PPP1R9A: variants seen among roughly 807,000 people sequenced by gnomAD.
PPP1R9A encodes protein phosphatase 1 regulatory subunit 9A.
A neutral mutation model predicts 141.9 loss-of-function variants in PPP1R9A; 59 were observed. That is an observed-to-expected ratio of 0.42 (90% confidence interval 0.34 to 0.52). The LOEUF (loss-of-function observed/expected upper bound fraction) is 0.52. Among genes scored for constraint, PPP1R9A ranks in the 20% least tolerant of loss-of-function variants. The pLI is 0.10. For synonymous variants in PPP1R9A, 500 were observed against 569.7 expected (o/e 0.88, Z 1.74); for missense variants, 1,444 against 1,611.9 (o/e 0.90, Z 1.78).
At chr7:94,954,216 C>T (rs1584375213) in intron 2 of PPP1R9A, among the ~76,000 whole-genome samples, 2 of 151,892 alleles carry the variant, frequency 1.3e-5, no homozygotes, top group African/African-American at 2.4e-5. Flanking sequence ...AGCTGCATCT[C>T]GCAAGTTTTT....
chr7:95,193,376 G>C (rs1835794038), intron 5 of PPP1R9A, among the ~76,000 whole-genome samples: 1 of 152,006 alleles, frequency 6.6e-6, no homozygotes, highest in Admixed American at 6.6e-5. Flanking sequence ...TCATAAGACT[G>C]TAGAGTGATT....
chr7:95,090,181 A>C (rs939757949), intron 2 of PPP1R9A, among the ~76,000 whole-genome samples: 5 of 151,872 alleles, frequency 3.3e-5, no homozygotes, highest in African/African-American at 1.2e-4. Context: ...TGAGGGGTGA[A>C]TGACAGCTTA....
chr7:95,014,004 C>G (rs1804767890), intron 2 of PPP1R9A, among the ~76,000 whole-genome samples: 1 of 151,942 alleles, frequency 6.6e-6, no homozygotes. Context: ...TCTTTTTGAA[C>G]TATTTGAGAT....
chr7:95,279,936 A>G (rs755692986), intron 16 of PPP1R9A, among the ~76,000 whole-genome samples: 3 of 152,176 alleles, frequency 2.0e-5, no homozygotes, highest in Non-Finnish European at 4.4e-5. Flanking sequence ...CAGTATGGGG[A>G]AGACTCATTA....
chr7:95,067,380 A>G (rs1813093606), intron 2 of PPP1R9A, among the ~76,000 whole-genome samples: 2 of 152,218 alleles, frequency 1.3e-5, no homozygotes, highest in African/African-American at 4.8e-5. Flanking sequence ...TGTCTAAGGA[A>G]AACAAACAAG....
At chr7:95,153,951 T>C (rs1240485090) in intron 4 of PPP1R9A, among the ~76,000 whole-genome samples, 1 of 152,208 alleles carries the variant, frequency 6.6e-6, no homozygotes, top group Non-Finnish European at 1.5e-5. Flanking sequence ...TAGTCTTTGA[T>C]GAACTTTTGT....
At chr7:95,131,742 T>A (rs1387551840) in intron 4 of PPP1R9A, among the ~76,000 whole-genome samples, 1 of 152,124 alleles carries the variant, frequency 6.6e-6, no homozygotes. Context: ...ATTGGTAGTT[T>A]GATAGGACTA....
At chr7:95,013,219 T>C (rs1011084557) in intron 2 of PPP1R9A, among the ~76,000 whole-genome samples, 2 of 152,118 alleles carry the variant, frequency 1.3e-5, no homozygotes, top group East Asian at 1.9e-4. Flanking sequence ...ATTTGAAGGA[T>C]AGGGGTTTAC....
At chr7:95,262,799 A>G (rs1012315627) in intron 12 of PPP1R9A, among the ~76,000 whole-genome samples, 13 of 152,232 alleles carry the variant, frequency 8.5e-5, no homozygotes, top group African/African-American at 2.4e-4. Context: ...TATTCTTTCA[A>G]TGATTAGCAA....
intron 2 of PPP1R9A, among the ~76,000 whole-genome samples, chr7:95,061,734 C>T (rs1051871337): frequency 2.0e-5 from 3 of 151,776 alleles, no homozygotes; most frequent in African/African-American, 7.3e-5. Context: ...GACCCTGTGT[C>T]GAATGAATGA....
chr7:95,127,675 C>T (rs537626370), intron 4 of PPP1R9A, among the ~76,000 whole-genome samples: 1 of 152,048 alleles, frequency 6.6e-6, no homozygotes, highest in African/African-American at 2.4e-5. Flanking sequence ...CTCTCTTGCT[C>T]TCCCCTCTAT....
rs1327930924 is a variant in PPP1R9A at position 95,121,455 on chromosome 7, GTCTGTCTATCTATCTATCTA to G, written c.1649+627_1649+646del. ...TCTCAAGCTATTTGTCTGTCTGTCTGTCTGTCTATCTATCTATCTATCTATCTATCTATCTATCTATCTAT... is the reference window on the plus strand; with the variant it reads ...TCTCAAGCTATTTGTCTGTCTGTCTGTCTATCTATCTATCTATCTATCTAT... On this transcript the variant is annotated intron_variant, in intron 4 of 19. Transcript: ENST00000433360. Among the ~76,000 whole-genome samples, 159 of 144,960 alleles carry G rather than the reference GTCTGTCTATCTATCTATCTA, an allele frequency of 1.1e-3. 1 individual carries two copies. The highest frequency in any genetic ancestry group is 7.1e-3 in the Middle Eastern group (2 of 280).
At chr7:95,233,052 A>G (rs1405793465) in intron 8 of PPP1R9A, among the ~76,000 whole-genome samples, 4 of 152,194 alleles carry the variant, frequency 2.6e-5, no homozygotes, top group Admixed American at 2.0e-4. Context: ...TCATTCTACT[A>G]TAAAGACACA....
chr7:95,215,922 T>C (rs1184167289), intron 7 of PPP1R9A, among the ~76,000 whole-genome samples: 2 of 152,224 alleles, frequency 1.3e-5, no homozygotes, highest in Non-Finnish European at 2.9e-5. Context: ...TTCTGTAGGT[T>C]GCCTGTTCAC....
At chr7:95,256,000 C>A (rs146849153) in intron 12 of PPP1R9A, among the ~76,000 whole-genome samples, 1 of 152,076 alleles carries the variant, frequency 6.6e-6, no homozygotes, top group Admixed American at 6.6e-5. Context: ...CATTTTCACA[C>A]CTACCTACTC....
At chr7:95,144,875 G>T (rs1427264872) in intron 4 of PPP1R9A, among the ~76,000 whole-genome samples, 1 of 152,092 alleles carries the variant, frequency 6.6e-6, no homozygotes, top group Admixed American at 6.6e-5. Flanking sequence ...AATAAATTCA[G>T]CAAACTTGCA....
intron 2 of PPP1R9A, among the ~76,000 whole-genome samples, chr7:95,083,475 G>A (rs968209534): frequency 6.6e-6 from 1 of 151,908 alleles, no homozygotes; most frequent in East Asian, 1.9e-4. Flanking sequence ...GTGGCCTCTT[G>A]CTTCTGCTGT....
At chr7:95,120,222 T>C (rs1822314660) in intron 3 of PPP1R9A, among the ~76,000 whole-genome samples, 1 of 152,060 alleles carries the variant, frequency 6.6e-6, no homozygotes, top group South Asian at 2.1e-4. Flanking sequence ...CTCCCAAAGT[T>C]CTGGGATTGC....
intron 2 of PPP1R9A, among the ~76,000 whole-genome samples, chr7:94,972,713 G>T (rs1350138092): frequency 1.3e-5 from 2 of 152,062 alleles, no homozygotes; most frequent in Non-Finnish European, 2.9e-5. Flanking sequence ...TGCAGTAGGT[G>T]TACACTGGCA....
Sources: allele counts gnomAD v4.1 joint callset (sites outside exome capture counted in the v4.1 genomes callset), GRCh38; gene constraint gnomAD v4.1.1; transcripts MANE v1.5; gene names NCBI Gene and HGNC (gene_info 2026-07-23, HGNC 2026-07-21).